Variants in MS4A3 observed in about 807,000 individuals in gnomAD.
MS4A3 encodes membrane spanning 4-domains A3, also known as membrane-spanning 4-domains subfamily A member 3.
A neutral mutation model predicts 24.7 loss-of-function variants in MS4A3; 18 were observed. The ratio of observed to expected loss-of-function variants is 0.73; its 90% CI spans 0.50 to 1.08. The LOEUF is 1.08. Among genes scored for constraint, MS4A3 ranks in the 50% least tolerant of loss-of-function variants. The pLI, the probability that MS4A3 is intolerant of heterozygous loss-of-function variation, is 0.00. For missense variants in MS4A3, 282 were observed against 251.7 expected (o/e 1.12, Z -0.82); for synonymous variants, 84 against 95.3 (o/e 0.88, Z 0.69).
intron 1 of MS4A3, among the ~76,000 whole-genome samples, chr11:60,059,338 G>C (rs1855232375): frequency 6.6e-6 from 1 of 151,936 alleles, no homozygotes; most frequent in African/African-American, 2.4e-5. Flanking sequence ...TAGAAAAATG[G>C]ATCTAGTATA....
At chr11:60,069,419 T>C in intron 5 of MS4A3, 155 bp from the exon 6 acceptor site, 1 of 571,582 alleles carries the variant, frequency 1.7e-6, no homozygotes, top group Non-Finnish European at 3.1e-6. Flanking sequence ...ATACTATCTC[T>C]TCTACAGTGT....
At position 60,062,539 on chromosome 11, in the gene MS4A3, C is replaced by A; in HGVS notation, c.228C>A (p.Tyr76Ter). The A allele has an allele frequency of 6.2e-7, 1 of 1,614,118 alleles. No individual in the cohort carries two copies. Among genetic ancestry groups the A allele is most frequent in the South Asian group, 1.1e-5 (1 of 91,078 alleles). The change falls in exon 3 of 7, where the codon TAC (tyrosine) becomes TAA (stop). Residue 76 changes from tyrosine to a stop codon, truncating the protein, a stop_gained. Transcript: ENST00000278865. LOFTEE classifies it high-confidence loss of function. ...GVFLGSLQYPYHFQKHFFFFT... is the reference protein window; with the variant it reads ...GVFLGSLQYP Reference sequence around the variant, plus strand: ...TTCTGGGTTCCTTGCAATACCCATACCACTTCCAAAAGCACTTCTTTTTCT... The same window carrying A: ...TTCTGGGTTCCTTGCAATACCCATAACACTTCCAAAAGCACTTCTTTTTCT...
rs1041981164 is a variant in MS4A3 at position 60,056,750 on chromosome 11, C to G, written c.-16+10C>G. On this transcript the variant is annotated intron_variant, in intron 1 of 6. Transcript: ENST00000278865. The stretch of plus-strand genomic sequence containing the variant: ...GCCTGAAGCCTCCAAGGTATAGATT[C>G]CCTCTCCATAGACATTCCCCTTTCT... 6.6e-6 allele frequency: 1 copy of G among 152,154 alleles called. No homozygotes were observed. The highest frequency in any genetic ancestry group is 1.5e-5 in the Non-Finnish European group (1 of 68,048). The allele number at this position is 152,154 out of a possible 1,614,324, so 9.4% of individuals were successfully genotyped here. A position where few individuals can be genotyped will look rare whatever the true frequency, so the allele number is the denominator to read the frequency against.
In MS4A3 at chr11:60,069,681, A is replaced by AT. The variant is rs1855444485; in HGVS notation, c.615+11dup. ...ACTGCTGTAATTCAAGAGAGGTGAGATTTTTCAAATGATTAATCATTCACA... is the reference window on the plus strand; with the variant it reads ...ACTGCTGTAATTCAAGAGAGGTGAGATTTTTTCAAATGATTAATCATTCACA... On this transcript the variant is annotated splice_region_variant and intron_variant, in intron 6 of 6. Transcript: ENST00000278865. 6.3e-7 allele frequency: 1 copy of AT among 1,595,548 alleles called. No homozygotes were observed. The highest frequency in any genetic ancestry group is 1.3e-5 in the African/African-American group (1 of 74,486).
intron 4 of MS4A3, among the ~76,000 whole-genome samples, chr11:60,065,586 C>T (rs745331679): frequency 2.0e-5 from 3 of 152,226 alleles, no homozygotes; most frequent in Non-Finnish European, 2.9e-5. Flanking sequence ...TACTATCCTT[C>T]TGTAACTGCT....
intron 1 of MS4A3, among the ~76,000 whole-genome samples, chr11:60,060,251 C>T (rs890768444): frequency 1.3e-5 from 2 of 152,128 alleles, no homozygotes; most frequent in African/African-American, 2.4e-5. Flanking sequence ...AGTCAACTCT[C>T]GCAATGTTAA....
In MS4A3 at chr11:60,061,319, A is replaced by T; in HGVS notation, c.156+3A>T. 6.2e-7 allele frequency: 1 copy of T among 1,603,862 alleles called. No homozygotes were observed. Among genetic ancestry groups the T allele is most frequent in the African/African-American group, 1.3e-5 (1 of 74,448 alleles). On this transcript the variant is annotated splice_donor_region_variant and intron_variant, in intron 2 of 6. Transcript: ENST00000278865. The stretch of plus-strand genomic sequence containing the variant: ...AAGCAAAATTACAAGTTCTTGGGGT[A>T]AGTCAGCCTTAGTTTAAACACTGAT...
chr11:60,069,480 G>A (rs913544437), intron 5 of MS4A3, 94 bp from the exon 6 acceptor site: 6 of 765,508 alleles, frequency 7.8e-6, no homozygotes, highest in Non-Finnish European at 1.1e-5. Context: ...CACTTTACGG[G>A]AGGGAGATGT....
rs77495026 is a variant in MS4A3, at chr11:60,062,375, G to A, written c.157-93G>A. 924 of 1,469,106 alleles carry A rather than the reference G, an allele frequency of 6.3e-4. 4 individuals carry two copies. In the African/African-American group the frequency reaches 0.011, roughly 17 times the overall value. 91.0% of individuals were successfully genotyped at this position (1,469,106 alleles called of 1,614,324 possible). On this transcript the variant is annotated intron_variant, in intron 2 of 6. Transcript: ENST00000278865. ...TGACACTTTAACCATTTCAAGCACC[G>A]ACATCTCCTTTCTGAGGAAAATTAA...
At position 60,065,921 on chromosome 11, in the gene MS4A3, G is replaced by A. The variant is rs185619989; in HGVS notation, c.352-1030G>A. On this transcript the variant is annotated intron_variant, in intron 4 of 6. Transcript: ENST00000278865. ...ATCTCACACATTCTTATGACTTCAAGTAATATCTGTATGCCCACAACCCTG... is the reference window on the plus strand; with the variant it reads ...ATCTCACACATTCTTATGACTTCAAATAATATCTGTATGCCCACAACCCTG... Among the ~76,000 whole-genome samples, 31 of 152,282 alleles carry A rather than the reference G, an allele frequency of 2.0e-4. 3 individuals are homozygous for A. The East Asian group carries it at 2.3e-3, about 11-fold the overall frequency.
intron 2 of MS4A3, chr11:60,061,553 T>G: frequency 1.7e-6 from 1 of 581,590 alleles, no homozygotes; most frequent in Non-Finnish European, 3.2e-6. Flanking sequence ...ACTTAATGAA[T>G]AGTAAATACA....
Position 60,066,967 on chromosome 11 carries a change from G to A in MS4A3, c.368G>A (p.Gly123Glu), listed in dbSNP as rs183819994. 1.9e-6 allele frequency: 3 copies of A among 1,603,806 alleles called. No homozygotes were observed. The highest frequency in any genetic ancestry group is 2.2e-5 in the East Asian group (1 of 44,780). Residue 123 changes from glycine to glutamate, a missense_variant, in exon 5 of 7, where the codon GGA becomes GAA. Gly to Glu is a moderately conservative substitution (Grantham distance 98). Transcript: ENST00000278865. Reference sequence around the variant, plus strand: ...CTTTTTTAGATACAGAACAGTTTTGGAATGAACATTGCCAGTGCTACAATT... The same window carrying A: ...CTTTTTTAGATACAGAACAGTTTTGAAATGAACATTGCCAGTGCTACAATT... Reference protein sequence around the residue: ...PTRTWIQNSFGMNIASATIAL... With the variant: ...PTRTWIQNSFEMNIASATIAL...
At chr11:60,068,693 T>G (rs1214823727) in intron 5 of MS4A3, among the ~76,000 whole-genome samples, 3 of 152,152 alleles carry the variant, frequency 2.0e-5, no homozygotes, top group Non-Finnish European at 4.4e-5. Flanking sequence ...CTCCTAAGCT[T>G]CCTGTTTTCT....
Position 60,067,112 on chromosome 11 carries a change from T to C in MS4A3, c.513T>C (p.Asn171=), listed in dbSNP as rs1196892916. 1.3e-6 allele frequency: 2 copies of C among 1,597,256 alleles called. No homozygotes were observed. The highest frequency in any genetic ancestry group is 2.2e-5 in the East Asian group (1 of 44,720). Residue 171 remains asparagine, a splice_region_variant and synonymous_variant, in exon 5 of 7, where the codon AAT becomes AAC. Coordinates refer to ENST00000278865, the MANE Select transcript of MS4A3 (RefSeq NM_006138.5). ...GCAATTACATGGGCTCCATATCAAA[T>C]GTATGTTTCTGAAAAATATGTATAA... ...DLCNYMGSIS[N]GMVSLLLILT...
In MS4A3 at chr11:60,070,528, C is replaced by G; in HGVS notation, c.*295C>G. 2 of 314,336 alleles carry G rather than the reference C, an allele frequency of 6.4e-6. No homozygotes were observed. The highest frequency in any genetic ancestry group is 1.2e-5 in the Non-Finnish European group (2 of 173,598). The allele number at this position is 314,336 out of a possible 1,614,324, so 19.5% of individuals were successfully genotyped here. A position where few individuals can be genotyped will look rare whatever the true frequency, so the allele number is the denominator to read the frequency against. On this transcript the variant is annotated 3_prime_UTR_variant, in exon 7 of 7. Coordinates refer to ENST00000278865, the MANE Select transcript of MS4A3 (RefSeq NM_006138.5). ...CCAAAGTTGTTTCCAGAAATTGGTT[C>G]TATTTCTTCTTATCCACCTACTCCA... is the stretch of plus-strand genomic sequence containing the variant.
At chr11:60,064,399 G>C in intron 4 of MS4A3, 81 bp downstream of exon 4, 1 of 1,009,922 alleles carries the variant, frequency 9.9e-7, no homozygotes, top group Non-Finnish European at 1.5e-6. Context: ...AAGTGTCCAT[G>C]AATACAACTG....
intron 2 of MS4A3, chr11:60,061,584 C>T (rs1283338390): frequency 2.1e-6 from 1 of 471,284 alleles, no homozygotes; most frequent in Admixed American, 3.0e-5. Flanking sequence ...CTTATGATTT[C>T]CTTAACGTTT....
Position 60,067,053 on chromosome 11 carries a change from A to G in MS4A3, c.454A>G (p.Ser152Gly). Reference sequence around the variant, plus strand: ...AGCAGTTAATATCCAGTCATTAAGGAGTTGTCACTCTTCATCAGAGTCACC... The same window carrying G: ...AGCAGTTAATATCCAGTCATTAAGGGGTTGTCACTCTTCATCAGAGTCACC... ...NIAVNIQSLR[S>G]CHSSSESPDL... Residue 152 changes from serine (S) to glycine (G), a missense_variant, in exon 5 of 7, where the codon AGT (serine) becomes GGT (glycine). By Grantham distance (56) the Ser-to-Gly change is moderately conservative. Transcript: ENST00000278865. 4 of 1,613,532 alleles carry G rather than the reference A, an allele frequency of 2.5e-6. No homozygotes were observed. The highest frequency in any genetic ancestry group is 3.4e-6 in the Non-Finnish European group (4 of 1,179,850).
Position 60,057,558 on chromosome 11 carries a change from T to C in MS4A3, c.-16+818T>C, listed in dbSNP as rs546159772. 3.3e-3 allele frequency among the ~76,000 whole-genome samples: 497 copies of C among 152,178 alleles called. 2 individuals are homozygous for C. The highest frequency in any genetic ancestry group is 6.1e-3 in the Non-Finnish European group (415 of 67,996). On this transcript the variant is annotated intron_variant, in intron 1 of 6. Transcript: ENST00000278865. ...TAGCTGGGATTACAGGCGCGTGCTG[T>C]CACAACCAGCTAATTTTATGTGTTT...
Sources: gnomAD v4.1 joint callset for allele counts (sites outside exome capture counted in the v4.1 genomes callset) on GRCh38, gnomAD v4.1.1 for gene constraint, MANE v1.5 for transcripts, NCBI Gene and HGNC (gene_info 2026-07-23, HGNC 2026-07-21) for gene names.